Variants in RAB9A observed in about 807,000 individuals in gnomAD.
RAB9A encodes RAB9A, member RAS oncogene family, also known as ras-related protein Rab-9A.
Under a neutral mutation model 10.3 loss-of-function variants are expected in RAB9A, and 1 was observed. The ratio of observed to expected loss-of-function variants is 0.10; its 90% CI spans 0.03 to 0.46. The LOEUF (loss-of-function observed/expected upper bound fraction) is 0.46, where lower values mean the gene tolerates loss of function less well. Among genes scored for constraint, RAB9A ranks in the 20% least tolerant of loss-of-function variants. The pLI is 0.96. For missense variants in RAB9A, 92 were observed against 150.3 expected, an observed-to-expected ratio of 0.61 and a Z score of 2.03; for synonymous variants, 39 against 55.2, an observed-to-expected ratio of 0.71 and a Z score of 1.30.
intron 1 of RAB9A, among the ~76,000 whole-genome samples, chrX:13,697,153 C>G (rs535969752): frequency 7.3e-4 from 81 of 111,640 alleles, no homozygotes; most frequent in African/African-American, 2.4e-3. Context: ...TTGTATAGTT[C>G]CCCAACCCCT....
At position 13,694,150 on chromosome X, in the gene RAB9A, A is replaced by G. The variant is rs186388942; in HGVS notation, c.-116+4862A>G. Among the ~76,000 whole-genome samples the G allele has an allele frequency of 4.5e-5, 5 of 111,194 alleles. No individual in the cohort carries two copies. In the East Asian group the frequency reaches 1.1e-3, roughly 25 times the overall value. ...AAGGTTAGTGCCCATAAGACTGTCTATGTTCTCAGAGTTAGAAAAACCTGG... is the reference window on the plus strand; with the variant it reads ...AAGGTTAGTGCCCATAAGACTGTCTGTGTTCTCAGAGTTAGAAAAACCTGG... On this transcript the variant is annotated intron_variant, in intron 1 of 2. Coordinates refer to ENST00000464506, the MANE Select transcript of RAB9A (RefSeq NM_004251.5).
chrX:13,706,527 A>G (rs1406627415), intron 2 of RAB9A, among the ~76,000 whole-genome samples: 1 of 109,168 alleles, frequency 9.2e-6, no homozygotes, highest in Non-Finnish European at 1.9e-5. Context: ...ACCTGGGACT[A>G]CAGGCGCTTG....
rs762964938 is a variant in RAB9A, at chrX:13,695,752, G to A, written c.-116+6464G>A. ...AAATTCTTGTCTGGCTCAGACATGC[G>A]GATGTAGACTTTAGGAATCACTGGT... On this transcript the variant is annotated intron_variant, in intron 1 of 2. Coordinates refer to ENST00000464506, the MANE Select transcript of RAB9A (RefSeq NM_004251.5). Among the ~76,000 whole-genome samples, 45 of 111,660 alleles carry A rather than the reference G, an allele frequency of 4.0e-4. No homozygotes were observed. The South Asian group carries it at 6.0e-3, about 15-fold the overall frequency.
At chrX:13,689,928 T>C (rs886860912) in intron 1 of RAB9A, among the ~76,000 whole-genome samples, 2 of 109,868 alleles carry the variant, frequency 1.8e-5, no homozygotes, top group African/African-American at 6.6e-5. Flanking sequence ...ATGAGAAATT[T>C]AAGTGCTGAA....
chrX:13,701,553 C>A (rs2146751436), intron 1 of RAB9A, among the ~76,000 whole-genome samples: 1 of 111,421 alleles, frequency 9.0e-6, no homozygotes, highest in South Asian at 3.8e-4. Flanking sequence ...TAGTACACAT[C>A]CATGTAATGT....
chrX:13,703,389 G>C (rs2046183171), intron 1 of RAB9A, among the ~76,000 whole-genome samples: 1 of 112,492 alleles, frequency 8.9e-6, no homozygotes, highest in Non-Finnish European at 1.9e-5. Flanking sequence ...GTTGTAGCTT[G>C]CATACCATAC....
rs745498225 is a variant in RAB9A at position 13,709,392 on chromosome X, T to C, written c.*40T>C. On this transcript the variant is annotated 3_prime_UTR_variant, in exon 3 of 3. Transcript: ENST00000464506. ...ATGCATTCTAACCAACTCACACATA[T>C]ACACAAAATCAACATGGGGATGGAG... The C allele has an allele frequency of 8.7e-6, 10 of 1,153,659 alleles. No individual in the cohort carries two copies. Among genetic ancestry groups the C allele is most frequent in the Admixed American group, 2.6e-5 (1 of 38,086 alleles).
At chrX:13,697,899 T>C (rs1300097801) in intron 1 of RAB9A, among the ~76,000 whole-genome samples, 1 of 112,067 alleles carries the variant, frequency 8.9e-6, no homozygotes, top group Non-Finnish European at 1.9e-5. Flanking sequence ...GCTCATTTCA[T>C]GGACTCCCAA....
chrX:13,703,429 G>A (rs781012377), intron 1 of RAB9A, among the ~76,000 whole-genome samples: 1 of 112,321 alleles, frequency 8.9e-6, no homozygotes. Context: ...TGTTGTTGTT[G>A]TTTCATCTTC....
In RAB9A at chrX:13,695,925, A is replaced by G. The variant is rs771365038; in HGVS notation, c.-116+6637A>G. Reference sequence around the variant, plus strand: ...AGGAGAGAAAGCAGAACCTATTATCAGAGTGGTTTTATGGACAATTAGGAA... The same window carrying G: ...AGGAGAGAAAGCAGAACCTATTATCGGAGTGGTTTTATGGACAATTAGGAA... On this transcript the variant is annotated intron_variant, in intron 1 of 2. Transcript: ENST00000464506. Among the ~76,000 whole-genome samples the G allele has an allele frequency of 1.6e-3, 176 of 110,972 alleles. 1 individual carries two copies. The highest frequency in any genetic ancestry group is 3.0e-3 in the Non-Finnish European group (158 of 53,020).
intron 1 of RAB9A, among the ~76,000 whole-genome samples, chrX:13,693,916 T>A (rs2046136695): frequency 9.0e-6 from 1 of 111,719 alleles, no homozygotes; most frequent in Non-Finnish European, 1.9e-5. Context: ...GTCTTAGGCC[T>A]GACTCGTACA....
intron 1 of RAB9A, 58 bp downstream of exon 1, chrX:13,689,346 G>A (rs1245280457): frequency 2.7e-5 from 3 of 112,784 alleles, no homozygotes; most frequent in African/African-American, 9.7e-5. Context: ...GTCGGGGTCT[G>A]AGGGGGCGGC....
In RAB9A at chrX:13,689,201, T is replaced by A. The variant is rs1291358494; in HGVS notation, c.-203T>A. On this transcript the variant is annotated 5_prime_UTR_variant, in exon 1 of 3. Transcript: ENST00000464506. ...CTGCGCTACCGCGGCTGCCTCCTGC[T>A]GTGCAGGTCCCCGACCCTCTCTCTG... 1 of 113,268 alleles carries A rather than the reference T, an allele frequency of 8.8e-6. No individual in the cohort carries two copies. Among genetic ancestry groups the A allele is most frequent in the Non-Finnish European group, 1.9e-5 (1 of 53,302 alleles). 9.3% of individuals were successfully genotyped at this position (113,268 alleles called of 1,213,427 possible).
chrX:13,696,347 G>A (rs1231698228), intron 1 of RAB9A, among the ~76,000 whole-genome samples: 1 of 110,454 alleles, frequency 9.1e-6, no homozygotes, highest in African/African-American at 3.3e-5. Flanking sequence ...ACTTGAGCCC[G>A]GGAGTTTGAG....
intron 2 of RAB9A, among the ~76,000 whole-genome samples, chrX:13,708,320 C>CAAAA (rs753443181): frequency 0.012 from 1,138 of 93,110 alleles, 13 homozygotes; most frequent in African/African-American, 0.03. Flanking sequence ...GATCCTGTCT[C>CAAAA]AAAAAAAAAA....
intron 1 of RAB9A, among the ~76,000 whole-genome samples, chrX:13,694,044 T>A (rs1057353825): frequency 8.9e-6 from 1 of 112,276 alleles, no homozygotes; most frequent in Non-Finnish European, 1.9e-5. Flanking sequence ...ATAAAGGAGT[T>A]GAACTGACTA....
chrX:13,696,279 A>C (rs1179687840), intron 1 of RAB9A, among the ~76,000 whole-genome samples: 1 of 107,629 alleles, frequency 9.3e-6, no homozygotes, highest in East Asian at 2.9e-4. Flanking sequence ...AAAATTAGCC[A>C]GTCTTGGTGG....
chrX:13,700,400 A>AT (rs1482599542), intron 1 of RAB9A, among the ~76,000 whole-genome samples: 3 of 112,249 alleles, frequency 2.7e-5, no homozygotes, highest in Non-Finnish European at 5.6e-5. Flanking sequence ...AATTGATAGT[A>AT]TAAGATAAAA....
chrX:13,699,232 C>T (rs886735090), intron 1 of RAB9A, among the ~76,000 whole-genome samples: 7 of 111,768 alleles, frequency 6.3e-5, no homozygotes, highest in African/African-American at 2.3e-4. Context: ...GTTTTTGTTC[C>T]TACCCACACA....
Sources: gnomAD v4.1 joint callset for allele counts (sites outside exome capture counted in the v4.1 genomes callset) on GRCh38, gnomAD v4.1.1 for gene constraint, MANE v1.5 for transcripts, NCBI Gene and HGNC (gene_info 2026-07-23, HGNC 2026-07-21) for gene names.